The following FASTK variants were observed in gnomAD, a reference collection of about 807,000 sequenced individuals.
FASTK encodes the protein fas-activated serine/threonine kinase.
A neutral mutation model predicts 60.0 loss-of-function variants in FASTK; 28 were observed. That is an observed-to-expected ratio of 0.47 (90% CI 0.35 to 0.64). The LOEUF (loss-of-function observed/expected upper bound fraction) is 0.64, where lower values mean the gene tolerates loss of function less well. Among genes scored for constraint, FASTK ranks in the 30% least tolerant of loss-of-function variants. The pLI is 0.01. For synonymous variants in FASTK, 325 were observed against 307.9 expected, an observed-to-expected ratio of 1.06 and a Z score of -0.58; for missense variants, 595 against 713.8, an observed-to-expected ratio of 0.83 and a Z score of 1.90.
intron 1 of FASTK, 22 bp downstream of exon 1, chr7:151,080,663 T>C: frequency 1.4e-6 from 2 of 1,434,602 alleles, no homozygotes; most frequent in Non-Finnish European, 1.8e-6. Context: ...CCCGCAGCCC[T>C]CCCCGCAGGC....
In FASTK at chr7:151,079,004, G is replaced by T. The variant is rs760485147; in HGVS notation, c.523C>A (p.Pro175Thr). 6.7e-7 allele frequency: 1 copy of T among 1,494,574 alleles called. No individual in the cohort carries two copies. Among genetic ancestry groups the T allele is most frequent in the Non-Finnish European group, 8.9e-7 (1 of 1,123,824 alleles). 92.6% of individuals were successfully genotyped at this position (1,494,574 alleles called of 1,614,324 possible). A position where few individuals can be genotyped will look rare whatever the true frequency, so the allele number is the denominator to read the frequency against. Residue 175 changes from proline to threonine, a missense_variant, in exon 3 of 10, where the codon CCC becomes ACC. This residue lies in a region of FASTK where 471 missense variants were observed against 605.9 expected (regional missense o/e 0.78). Coordinates refer to ENST00000297532, the MANE Select transcript of FASTK (RefSeq NM_006712.5). ...TCCTGTTCCAGGGCACACACCAGGG[G>T]ACCATCAGATGGAAAGCCTGAGGGG... is the stretch of plus-strand genomic sequence containing the variant. ...AVLLGFPSDG[P>T]LVCALEQERR...
Position 151,079,820 on chromosome 7 carries a change from C to G in FASTK, c.185G>C (p.Cys62Ser), listed in dbSNP as rs1224837939. ...GTCCCCCCATTTGCTGGGCCCCAAA[C>G]AGCAGGGCTGTACTGGAGGGATCAG... ...LLLIPPVQPC[C>S]LGPSKWGDRP... Residue 62 changes from cysteine to serine, a missense_variant, in exon 2 of 10, where the codon TGT (cysteine) becomes TCT (serine). This residue lies in a region of FASTK where 124 missense variants were observed against 107.9 expected (regional missense o/e 1.15). Transcript: ENST00000297532. 1 of 1,601,554 alleles carries G rather than the reference C, an allele frequency of 6.2e-7. No individual in the cohort carries two copies. The highest frequency in any genetic ancestry group is 2.3e-5 in the East Asian group (1 of 44,392).
At chr7:151,079,476 C>A in intron 2 of FASTK, 24 bp downstream of exon 2, 1 of 1,552,186 alleles carries the variant, frequency 6.4e-7, no homozygotes, top group Non-Finnish European at 8.7e-7. Context: ...GCCCCCCAGG[C>A]GCCCACCTCA....
intron 4 of FASTK, 143 bp downstream of exon 4, chr7:151,078,419 G>A (rs1487856512): frequency 1.1e-6 from 1 of 905,846 alleles, no homozygotes; most frequent in Non-Finnish European, 1.7e-6. Context: ...GCCACAGAAA[G>A]GGTGTAGAAA....
chr7:151,079,796 TCCC>T lies in FASTK; in HGVS notation c.206_208del (p.Gly69del). On this transcript the variant is annotated inframe_deletion, in exon 2 of 10. Transcript: ENST00000297532. ...ACTGGGGCCTCCTCCAACAGGCCGG[TCCC>T]CCCATTTGCTGGGCCCCAAACAGCA... is the stretch of plus-strand genomic sequence containing the variant. The T allele has an allele frequency of 3.1e-6, 5 of 1,600,302 alleles. No individual in the cohort carries two copies. The highest frequency in any genetic ancestry group is 1.3e-5 in the African/African-American group (1 of 74,694).
rs77616482 is a variant in FASTK at position 151,079,639 on chromosome 7, G to A, written c.366C>T (p.Gly122=). The part of the protein sequence containing the change: ...HHYSVALRRL[G]QLLGSRPRPP... Reference sequence around the variant, plus strand: ...GCCGTGGCCGAGACCCCAAGAGCTGGCCCAGACGACGAAGCGCCACCGAGT... The same window carrying A: ...GCCGTGGCCGAGACCCCAAGAGCTGACCCAGACGACGAAGCGCCACCGAGT... The change falls in exon 2 of 10, where the codon GGC becomes GGT. Residue 122 remains glycine, a synonymous_variant. Transcript: ENST00000297532. The A allele has an allele frequency of 8.4e-4, 1,349 of 1,613,534 alleles. 1 individual carries two copies. The highest frequency in any genetic ancestry group is 2.7e-3 in the Admixed American group (161 of 60,006).
intron 9 of FASTK, 27 bp downstream of exon 9, chr7:151,076,886 G>A (rs763001777): frequency 1.1e-5 from 18 of 1,598,330 alleles, no homozygotes; most frequent in Non-Finnish European, 1.5e-5. Context: ...GTGAGGATGC[G>A]CCACGGGCCA....
chr7:151,080,473 T>C (rs1005411788), intron 1 of FASTK: 34 of 1,280,420 alleles, frequency 2.7e-5, no homozygotes, highest in Non-Finnish European at 3.3e-5. Context: ...TTCGTCTCTC[T>C]AAGTCTCCTC....
At chr7:151,078,377 A>C (rs1797785343) in intron 4 of FASTK, among the ~76,000 whole-genome samples, 185 bp downstream of exon 4, 1 of 152,198 alleles carries the variant, frequency 6.6e-6, no homozygotes, top group Non-Finnish European at 1.5e-5. Flanking sequence ...GCAGATTTCC[A>C]GGAATGCATG....
intron 3 of FASTK, 47 bp from the exon 4 acceptor site, chr7:151,078,748 T>C: frequency 6.2e-7 from 1 of 1,611,242 alleles, no homozygotes; most frequent in Non-Finnish European, 8.5e-7. Flanking sequence ...GACCTCCGGC[T>C]GGCTCAATTC....
chr7:151,080,621 C>T, intron 1 of FASTK, 64 bp downstream of exon 1: 1 of 1,378,596 alleles, frequency 7.3e-7, no homozygotes, highest in East Asian at 3.1e-5. Flanking sequence ...GAGACCGTGG[C>T]CGCTGCCGCT....
chr7:151,078,649 G>A lies in FASTK; in HGVS notation c.738C>T (p.His246=). The change falls in exon 4 of 10, where the codon CAC becomes CAT. Residue 246 remains histidine, a synonymous_variant. Transcript: ENST00000297532. ...TPHVMVLLAQ[H]LARHRLREPQ... is the part of the protein sequence containing the mutation. ...GCTCCCGCAACCGGTGCCGGGCCAG[G>A]TGCTGGGCCAGGAGCACCATCACGT... 1 of 1,613,314 alleles carries A rather than the reference G, an allele frequency of 6.2e-7. No individual in the cohort carries two copies. Among genetic ancestry groups the A allele is most frequent in the Non-Finnish European group, 8.5e-7 (1 of 1,179,936 alleles).
intron 2 of FASTK, 189 bp downstream of exon 2, chr7:151,079,311 G>C (rs1367056243): frequency 1.6e-6 from 1 of 628,254 alleles, no homozygotes; most frequent in Non-Finnish European, 2.7e-6. Flanking sequence ...ATCTGGGGTG[G>C]CACCCTAGCG....
chr7:151,077,268 A>G lies in FASTK; in HGVS notation c.1292-32T>C, dbSNP rs1203594865. ...GGGAGCAGGGCCGGCGGCCTTAGCC[A>G]GGGCTCCGTCTCCCCGGGCCTGCCG... On this transcript the variant is annotated intron_variant, in intron 7 of 9. Transcript: ENST00000297532. The G allele has an allele frequency of 4.3e-6, 7 of 1,611,750 alleles. No individual in the cohort carries two copies. The African/African-American group carries it at 8.0e-5, about 18-fold the overall frequency.
rs758330052 is a variant in FASTK, at chr7:151,077,036, G to A, written c.1428-9C>T. On this transcript the variant is annotated splice_polypyrimidine_tract_variant and intron_variant, in intron 8 of 9. Coordinates refer to ENST00000297532, the MANE Select transcript of FASTK (RefSeq NM_006712.5). ...GCAACACCAGCACCACCCTGCAGGG[G>A]GAGGGACGTGGCTCAGGGCATGGCG... The A allele has an allele frequency of 1.2e-6, 2 of 1,612,300 alleles. No individual in the cohort carries two copies. Among genetic ancestry groups the A allele is most frequent in the Non-Finnish European group, 8.5e-7 (1 of 1,179,414 alleles).
chr7:151,077,901 A>T lies in FASTK; in HGVS notation c.1017T>A (p.Pro339=), dbSNP rs767335436. ...PFRALHFVFS[P]GFINYISGTP... is the part of the protein sequence containing the mutation. ...TACCACTGATGTAGTTGATGAAGCC[A>T]GGGGAAAAAACAAAGTGCAGGGCTC... Residue 339 remains proline, a synonymous_variant, in exon 5 of 10, where the codon CCT becomes CCA. Coordinates refer to ENST00000297532, the MANE Select transcript of FASTK (RefSeq NM_006712.5). 7 of 1,613,680 alleles carry T rather than the reference A, an allele frequency of 4.3e-6. No homozygotes were observed. Among genetic ancestry groups the T allele is most frequent in the Non-Finnish European group, 5.1e-6 (6 of 1,179,846 alleles).
chr7:151,077,278 C>T (rs1235327169), intron 7 of FASTK, 32 bp downstream of exon 7: 2 of 1,611,754 alleles, frequency 1.2e-6, no homozygotes, highest in Non-Finnish European at 1.7e-6. Context: ...AGGGCTCCGT[C>T]TCCCCGGGCC....
chr7:151,076,914 G>A lies in FASTK; in HGVS notation c.1541C>T (p.Pro514Leu), dbSNP rs374560885. ...ACGGGCCAGGCCAGGGCCACTCACC[G>A]GCAGGAGCTGGTAGCCCATCAGGCC... ...HLGLMGYQLLPLPFEELESQR... is the reference protein window; with the variant it reads ...HLGLMGYQLLLLPFEELESQR... Residue 514 changes from proline to leucine, a missense_variant and splice_region_variant, in exon 9 of 10, where the codon CCG becomes CTG. By Grantham distance (98) the Pro-to-Leu change is moderately conservative. Transcript: ENST00000297532. 1.9e-6 allele frequency: 3 copies of A among 1,604,448 alleles called. No homozygotes were observed. Among genetic ancestry groups the A allele is most frequent in the South Asian group, 2.2e-5 (2 of 90,404 alleles).
rs1177779564 is a variant in FASTK at position 151,080,798 on chromosome 7, C to CCGCCCCTAGAT, written c.-33_-32insATCTAGGGGCG. 1 of 1,240,234 alleles carries CCGCCCCTAGAT rather than the reference C, an allele frequency of 8.1e-7. No individual in the cohort carries two copies. Among genetic ancestry groups the CCGCCCCTAGAT allele is most frequent in the Non-Finnish European group, 1.0e-6 (1 of 980,024 alleles). The allele number at this position is 1,240,234 out of a possible 1,614,324, so 76.8% of individuals were successfully genotyped here. A position where few individuals can be genotyped will look rare whatever the true frequency, so the allele number is the denominator to read the frequency against. On this transcript the variant is annotated 5_prime_UTR_variant, in exon 1 of 10. Coordinates refer to ENST00000297532, the MANE Select transcript of FASTK (RefSeq NM_006712.5). ...GCCACCGAGTCCGCCATCTTCCCAG[C>CCGCCCCTAGAT]AGCCCCTAGATAGCCGCCCGGACGC...
Sources: gnomAD v4.1 joint callset for allele counts (sites outside exome capture counted in the v4.1 genomes callset) on GRCh38, gnomAD v4.1.1 for gene constraint, gnomAD v4.1.1 regional missense constraint, MANE v1.5 for transcripts, NCBI Gene and HGNC (gene_info 2026-07-23, HGNC 2026-07-21) for gene names.